The following GCLC variants were observed in gnomAD, a reference collection of about 807,000 sequenced individuals.
The protein encoded by GCLC is glutamate--cysteine ligase catalytic subunit.
In GCLC, 30 loss-of-function variants were observed where a neutral mutation model predicts 81.5. The ratio of observed to expected loss-of-function variants is 0.37; its 90% CI spans 0.28 to 0.50. The LOEUF (loss-of-function observed/expected upper bound fraction) is 0.50, where lower values mean the gene tolerates loss of function less well. Among genes scored for constraint, GCLC ranks in the 20% least tolerant of loss-of-function variants. GCLC has a pLI of 0.96. For synonymous variants in GCLC, 262 were observed against 273.3 expected (o/e 0.96, Z 0.41); for missense variants, 556 against 777.4 (o/e 0.72, Z 3.39).
At chr6:53,522,604 G>GA (rs1763017905) in intron 1 of GCLC, 77 bp from the exon 2 acceptor site, 9 of 878,626 alleles carry the variant, frequency 1.0e-5, no homozygotes, top group African/African-American at 1.6e-5. Flanking sequence ...GAAAAAGGCA[G>GA]GGAAACGTGA....
At chr6:53,542,881 C>T (rs1317259252) in intron 1 of GCLC, among the ~76,000 whole-genome samples, 1 of 152,026 alleles carries the variant, frequency 6.6e-6, no homozygotes, top group Non-Finnish European at 1.5e-5. Context: ...TGGTGGCAGG[C>T]ACCTGTAATC....
chr6:53,510,785 C>T (rs890579961), intron 6 of GCLC, among the ~76,000 whole-genome samples: 19 of 152,158 alleles, frequency 1.2e-4, no homozygotes, highest in African/African-American at 4.6e-4. Flanking sequence ...TCAAGTTTGC[C>T]TGCTCAATTA....
intron 1 of GCLC, among the ~76,000 whole-genome samples, chr6:53,533,797 CTTTTT>C (rs558357229): frequency 7.0e-6 from 1 of 141,848 alleles, no homozygotes. Context: ...TTTTTCTTTT[CTTTTT>C]TTTTTTTTTG....
chr6:53,525,103 T>C (rs758920527), intron 1 of GCLC, among the ~76,000 whole-genome samples: 16 of 152,230 alleles, frequency 1.1e-4, no homozygotes, highest in Non-Finnish European at 1.6e-4. Flanking sequence ...TTCAATAGAA[T>C]AATCATCAGT....
At chr6:53,543,983 G>A (rs1187518598) in intron 1 of GCLC, among the ~76,000 whole-genome samples, 1 of 152,188 alleles carries the variant, frequency 6.6e-6, no homozygotes, top group Non-Finnish European at 1.5e-5. Flanking sequence ...GTGTTTTGGA[G>A]GGGAGGGAAG....
Position 53,520,928 on chromosome 6 carries a change from C to T in GCLC, c.296G>A (p.Ser99Asn). Residue 99 changes from serine to asparagine, a missense_variant, in exon 3 of 16, where the codon AGT becomes AAT. By Grantham distance (46) the Ser-to-Asn change is conservative. Around this residue, in one of 3 missense-constraint regions of GCLC, gnomAD observed 234 missense variants for 303.8 expected, o/e 0.77. Transcript: ENST00000650454. ...HPTLWRPEYG[S>N]YMIEGTPGQP... Reference sequence around the variant, plus strand: ...TCCTGGTGTCCCTTCAATCATGTAACTCCCATACTCTGGTCTCCAAAGGGT... The same window carrying T: ...TCCTGGTGTCCCTTCAATCATGTAATTCCCATACTCTGGTCTCCAAAGGGT... 6.2e-7 allele frequency: 1 copy of T among 1,613,888 alleles called. No individual in the cohort carries two copies. Among genetic ancestry groups the T allele is most frequent in the African/African-American group, 1.3e-5 (1 of 75,048 alleles).
At position 53,505,888 on chromosome 6, in the gene GCLC, T is replaced by G; in HGVS notation, c.1205A>C (p.Gln402Pro). The part of the protein sequence containing the change: ...ANESDHFENI[Q>P]STNWQTMRFK... ...TCTCATTGTCTGCCAATTTGTGGAC[T>G]GAATATTCTGTGATACAAAAGCAGA... The change falls in exon 11 of 16, where the codon CAG becomes CCG. Residue 402 changes from glutamine (Q) to proline (P), a missense_variant. Gln to Pro is a moderately conservative substitution (Grantham distance 76, BLOSUM62 -1). Transcript: ENST00000650454. 1 of 1,597,492 alleles carries G rather than the reference T, an allele frequency of 6.3e-7. No individual in the cohort carries two copies. The highest frequency in any genetic ancestry group is 8.6e-7 in the Non-Finnish European group (1 of 1,164,842).
intron 1 of GCLC, among the ~76,000 whole-genome samples, chr6:53,538,305 C>T (rs1370992000): frequency 6.6e-6 from 1 of 150,772 alleles, no homozygotes; most frequent in Non-Finnish European, 1.5e-5. Context: ...GCACAAGCCA[C>T]CATGCCTGGC....
intron 6 of GCLC, among the ~76,000 whole-genome samples, chr6:53,512,815 G>T (rs954424981): frequency 6.6e-6 from 1 of 152,084 alleles, no homozygotes; most frequent in East Asian, 1.9e-4. Context: ...GAAACTATGC[G>T]GTCTTCGGCA....
At position 53,532,969 on chromosome 6, in the gene GCLC, G is replaced by A. The variant is rs563807684; in HGVS notation, c.151-10442C>T. On this transcript the variant is annotated intron_variant, in intron 1 of 15. Coordinates refer to ENST00000650454, the MANE Select transcript of GCLC (RefSeq NM_001498.4). The stretch of plus-strand genomic sequence containing the variant: ...AGTAGAACCTTAGTCATAGAAACTC[G>A]CTCAGAACATACCAATCTAAATAAC... Among the ~76,000 whole-genome samples the A allele has an allele frequency of 5.9e-5, 9 of 152,218 alleles. No homozygotes were observed. In the South Asian group the frequency reaches 1.4e-3, roughly 25 times the overall value.
rs553322073 is a variant in GCLC at position 53,505,053 on chromosome 6, A to G, written c.1395+339T>C. Reference sequence around the variant, plus strand: ...TCAATCCCATCCGAATTCTTCAGAAATATCTCAAGTTCAGTTCTACTGAGG... The same window carrying G: ...TCAATCCCATCCGAATTCTTCAGAAGTATCTCAAGTTCAGTTCTACTGAGG... On this transcript the variant is annotated intron_variant, in intron 12 of 15. Coordinates refer to ENST00000650454, the MANE Select transcript of GCLC (RefSeq NM_001498.4). Among the ~76,000 whole-genome samples, 4 of 152,308 alleles carry G rather than the reference A, an allele frequency of 2.6e-5. No homozygotes were observed. The East Asian group carries it at 5.8e-4, about 22-fold the overall frequency.
chr6:53,513,881 T>C, intron 6 of GCLC: 1 of 313,162 alleles, frequency 3.2e-6, no homozygotes, highest in Non-Finnish European at 6.0e-6. Context: ...TGTCACGAGA[T>C]GGCAGTAAAA....
chr6:53,544,235 G>A (rs1372887245), intron 1 of GCLC, among the ~76,000 whole-genome samples: 2 of 152,212 alleles, frequency 1.3e-5, no homozygotes, highest in African/African-American at 2.4e-5. Context: ...CGCCCTCCCA[G>A]CGCCCAATCC....
At chr6:53,501,448 G>A (rs1277954157) in intron 12 of GCLC, 1 of 152,228 alleles carries the variant, frequency 6.6e-6, no homozygotes, top group Admixed American at 6.5e-5. Flanking sequence ...TGAATTCTCT[G>A]TATCTCCAAT....
At position 53,544,548 on chromosome 6, in the gene GCLC, A is replaced by G; in HGVS notation, c.98T>C (p.Ile33Thr). The part of the protein sequence containing the change: ...RRHGILQFLH[I>T]YHAVKDRHKD... Reference sequence around the variant, plus strand: ...GTGCCGGTCCTTGACGGCGTGGTAGATGTGCAGGAACTGGAGGATCCCGTG... The same window carrying G: ...GTGCCGGTCCTTGACGGCGTGGTAGGTGTGCAGGAACTGGAGGATCCCGTG... The change falls in exon 1 of 16, where the codon ATC becomes ACC. Residue 33 changes from isoleucine to threonine, a missense_variant. Transcript: ENST00000650454. The G allele has an allele frequency of 6.2e-7, 1 of 1,608,722 alleles. No homozygotes were observed. The highest frequency in any genetic ancestry group is 8.5e-7 in the Non-Finnish European group (1 of 1,179,614).
chr6:53,520,023 T>C (rs1157632610), intron 3 of GCLC, among the ~76,000 whole-genome samples: 4 of 152,210 alleles, frequency 2.6e-5, no homozygotes, highest in Admixed American at 1.3e-4. Context: ...CCTTTGAACT[T>C]TGAGGAGCTA....
chr6:53,513,271 T>A (rs2294800), intron 6 of GCLC: 3,681 of 152,424 alleles, frequency 0.024, 124 homozygotes, highest in East Asian at 0.18. Context: ...GGCTGGCGGC[T>A]CAGAGGGGTC....
chr6:53,538,441 C>T (rs1369432863), intron 1 of GCLC, among the ~76,000 whole-genome samples: 1 of 152,048 alleles, frequency 6.6e-6, no homozygotes, highest in Non-Finnish European at 1.5e-5. Context: ...ATTCTCCTGC[C>T]TCAGCCTCCC....
intron 12 of GCLC, among the ~76,000 whole-genome samples, chr6:53,501,686 C>T (rs1764516797): frequency 6.6e-6 from 1 of 152,194 alleles, no homozygotes; most frequent in Non-Finnish European, 1.5e-5. Context: ...AAGAGACACA[C>T]AGGACCTTCT....
Sources: gnomAD v4.1 joint callset for allele counts (sites outside exome capture counted in the v4.1 genomes callset) on GRCh38, gnomAD v4.1.1 for gene constraint, gnomAD v4.1.1 regional missense constraint, MANE v1.5 for transcripts, NCBI Gene and HGNC (gene_info 2026-07-23, HGNC 2026-07-21) for gene names.